Variants in TUBA1C observed in about 807,000 individuals in gnomAD.
TUBA1C encodes the protein tubulin alpha-1C chain.
TUBA1C carries 16 observed loss-of-function variants against 34.9 expected under a neutral mutation model. That is an observed-to-expected ratio of 0.46 (90% CI 0.31 to 0.70). TUBA1C has a LOEUF of 0.70. TUBA1C is among the 30% of genes least tolerant of loss of function. The probability of loss-of-function intolerance (pLI) is 0.05; values close to 1 mark genes in which losing one functional copy is unlikely to be tolerated. For missense variants in TUBA1C, 329 were observed against 587.3 expected (o/e 0.56, Z 4.55); for synonymous variants, 177 against 215.9 (o/e 0.82, Z 1.58).
At chr12:49,241,148 C>T (rs1301783022) in intron 1 of TUBA1C, among the ~76,000 whole-genome samples, 3 of 152,090 alleles carry the variant, frequency 2.0e-5, no homozygotes, top group Non-Finnish European at 2.9e-5. Flanking sequence ...GTGAACCGCC[C>T]GCCTCGGCCT....
chr12:49,258,949 G>A (rs1942814827), intron 1 of TUBA1C, among the ~76,000 whole-genome samples: 1 of 151,436 alleles, frequency 6.6e-6, no homozygotes, highest in African/African-American at 2.4e-5. Context: ...AGTAGAGACG[G>A]GGTTTCTCCG....
chr12:49,265,968 A>C (rs1352320526), intron 1 of TUBA1C, among the ~76,000 whole-genome samples: 15 of 140,600 alleles, frequency 1.1e-4, no homozygotes, highest in East Asian at 2.0e-4. Context: ...AAAAAAAAAA[A>C]AAAACAAAAA....
chr12:49,264,315 C>T (rs995378853), upstream of TUBA1C, among the ~76,000 whole-genome samples: 1 of 152,162 alleles, frequency 6.6e-6, no homozygotes, highest in Non-Finnish European at 1.5e-5. Flanking sequence ...GCTTTTGCGC[C>T]TATCGGGAGG....
intron 1 of TUBA1C, 77 bp downstream of exon 1, chr12:49,265,261 C>T: frequency 7.6e-7 from 1 of 1,309,178 alleles, no homozygotes; most frequent in Non-Finnish European, 1.1e-6. Context: ...CTGCCTGCAC[C>T]TCGGGCCGCG....
intron 1 of TUBA1C, among the ~76,000 whole-genome samples, chr12:49,239,105 C>T (rs932688597): frequency 1.3e-5 from 2 of 152,172 alleles, no homozygotes; most frequent in African/African-American, 4.8e-5. Flanking sequence ...TCCTGATTTT[C>T]GCCTCATTAA....
Position 49,269,786 on chromosome 12 carries a change from C to A in TUBA1C, c.227-42C>A, listed in dbSNP as rs200135182. 5.6e-6 allele frequency: 9 copies of A among 1,613,750 alleles called. No homozygotes were observed. In the East Asian group the frequency reaches 1.6e-4, roughly 28 times the overall value. ...TGGTCACTCACCCACTCTCCCTCCC[C>A]GCTCCTTGTCCCTCCTCCTCCTCCC... On this transcript the variant is annotated intron_variant, in intron 2 of 3. Coordinates refer to ENST00000301072, the MANE Select transcript of TUBA1C (RefSeq NM_032704.5).
At chr12:49,242,548 G>C (rs143746895) in intron 1 of TUBA1C, among the ~76,000 whole-genome samples, 97 of 152,110 alleles carry the variant, frequency 6.4e-4, no homozygotes, top group African/African-American at 2.3e-3. Context: ...GCTCACTGCA[G>C]CCTCAAATCC....
chr12:49,255,619 C>T (rs1055139741), intron 1 of TUBA1C, among the ~76,000 whole-genome samples: 8 of 151,946 alleles, frequency 5.3e-5, no homozygotes, highest in South Asian at 2.1e-4. Context: ...AGTGCAGTGG[C>T]GCAATCTCAG....
At chr12:49,234,822 A>C (rs997651508) in intron 1 of TUBA1C, among the ~76,000 whole-genome samples, 2 of 152,308 alleles carry the variant, frequency 1.3e-5, no homozygotes, top group African/African-American at 4.8e-5. Flanking sequence ...TCCTAAAAAA[A>C]ATTTTCTTTT....
chr12:49,228,264 A>G, intron 1 of TUBA1C: 1 of 1,178,948 alleles, frequency 8.5e-7, no homozygotes, highest in Non-Finnish European at 1.2e-6. Flanking sequence ...ATTTGCTCCT[A>G]TTTATTGTTT....
chr12:49,256,513 T>G (rs1448375364), intron 1 of TUBA1C: 2 of 438,926 alleles, frequency 4.6e-6, no homozygotes, highest in African/African-American at 2.0e-5. Flanking sequence ...ATTTACAAGG[T>G]CAGTGGGGAC....
chr12:49,248,867 CAAAAA>C (rs201685193), intron 1 of TUBA1C, among the ~76,000 whole-genome samples: 1 of 60,816 alleles, frequency 1.6e-5, no homozygotes, highest in Non-Finnish European at 3.8e-5. Flanking sequence ...GACTCCCTCT[CAAAAA>C]AAAAAAAAAA....
At chr12:49,250,318 A>T (rs1942720250) in intron 1 of TUBA1C, among the ~76,000 whole-genome samples, 1 of 152,038 alleles carries the variant, frequency 6.6e-6, no homozygotes, top group Non-Finnish European at 1.5e-5. Context: ...AGGTCAGGAA[A>T]TCGAGACCAT....
chr12:49,264,568 CGT>C (rs995411644), upstream of TUBA1C: 2 of 152,056 alleles, frequency 1.3e-5, no homozygotes, highest in African/African-American at 2.4e-5. Flanking sequence ...TCCCCGGCGG[CGT>C]AGGGAGCGCA....
At chr12:49,229,196 C>T (rs1476474454) in intron 1 of TUBA1C, among the ~76,000 whole-genome samples, 2 of 152,148 alleles carry the variant, frequency 1.3e-5, no homozygotes, top group East Asian at 3.8e-4. Context: ...GTGCGTGTGA[C>T]AGAGTCTCAC....
intron 1 of TUBA1C, among the ~76,000 whole-genome samples, chr12:49,268,564 C>T (rs1592287333): frequency 6.6e-6 from 1 of 152,126 alleles, no homozygotes; most frequent in Non-Finnish European, 1.5e-5. Context: ...TCAGTAAAGT[C>T]TTGGTAACAT....
At chr12:49,237,747 A>AG (rs1942571822) in intron 1 of TUBA1C, among the ~76,000 whole-genome samples, 1 of 150,462 alleles carries the variant, frequency 6.6e-6, no homozygotes. Flanking sequence ...CAAAAAAAAA[A>AG]AAGAGAGAGA....
upstream of TUBA1C, among the ~76,000 whole-genome samples, chr12:49,264,013 G>A (rs1942867042): frequency 6.6e-6 from 1 of 152,194 alleles, no homozygotes; most frequent in African/African-American, 2.4e-5. Flanking sequence ...GAGGTCAAGA[G>A]ATCGAGACCA....
chr12:49,271,557 C>CT (rs1942992126), intron 3 of TUBA1C, among the ~76,000 whole-genome samples: 1 of 152,304 alleles, frequency 6.6e-6, no homozygotes, highest in Admixed American at 6.5e-5. Context: ...ACTATTCTCA[C>CT]TTAATCAGTG....
Sources: allele counts gnomAD v4.1 joint callset (sites outside exome capture counted in the v4.1 genomes callset), GRCh38; gene constraint gnomAD v4.1.1; transcripts MANE v1.5; gene names NCBI Gene and HGNC (gene_info 2026-07-23, HGNC 2026-07-21).